Variants in CADPS2 observed in about 807,000 individuals in gnomAD.
The protein encoded by CADPS2 is calcium dependent secretion activator 2.
In CADPS2, 93 loss-of-function variants were observed where a neutral mutation model predicts 172.5. The observed-to-expected ratio is 0.54, with a 90% confidence interval of 0.46 to 0.64. The LOEUF (loss-of-function observed/expected upper bound fraction) is 0.64. Among genes scored for constraint, CADPS2 ranks in the 30% least tolerant of loss-of-function variants. The pLI is 0.00. For missense variants in CADPS2, 1,420 were observed against 1,565.9 expected, an observed-to-expected ratio of 0.91 and a Z score of 1.57; for synonymous variants, 546 against 555.2, an observed-to-expected ratio of 0.98 and a Z score of 0.23.
chr7:122,476,007 T>C (rs1425242394), intron 12 of CADPS2, among the ~76,000 whole-genome samples: 2 of 152,120 alleles, frequency 1.3e-5, no homozygotes, highest in African/African-American at 4.8e-5. Context: ...TCTGAGTCTT[T>C]TAATAGAAAG....
intron 3 of CADPS2, among the ~76,000 whole-genome samples, chr7:122,661,298 A>G (rs1192700706): frequency 6.6e-6 from 1 of 152,212 alleles, no homozygotes; most frequent in Non-Finnish European, 1.5e-5. Flanking sequence ...CCACTGCTAC[A>G]GTTGGAGATC....
In CADPS2 at chr7:122,524,756, A is replaced by G. The variant is rs572863690; in HGVS notation, c.1476-11441T>C. ...ATGAGTCTTTAAGCAATAAAATTATATAACTGGGTTTTTACATTGTTTGGA... is the reference window on the plus strand; with the variant it reads ...ATGAGTCTTTAAGCAATAAAATTATGTAACTGGGTTTTTACATTGTTTGGA... On this transcript the variant is annotated intron_variant, in intron 8 of 29. Coordinates refer to ENST00000449022, the MANE Select transcript of CADPS2 (RefSeq NM_017954.11). Among the ~76,000 whole-genome samples, 13 of 152,224 alleles carry G rather than the reference A, an allele frequency of 8.5e-5. No homozygotes were observed. The South Asian group carries it at 1.0e-3, about 12-fold the overall frequency.
chr7:122,496,182 G>A (rs1294902883), intron 9 of CADPS2, among the ~76,000 whole-genome samples: 2 of 151,746 alleles, frequency 1.3e-5, no homozygotes, highest in Non-Finnish European at 2.9e-5. Flanking sequence ...TATTTATTGA[G>A]ACAGAGTCTT....
intron 8 of CADPS2, among the ~76,000 whole-genome samples, chr7:122,552,027 T>C (rs1289847626): frequency 6.6e-6 from 1 of 152,186 alleles, no homozygotes; most frequent in Non-Finnish European, 1.5e-5. Flanking sequence ...ATTCAAAATG[T>C]TTAAAACTGT....
intron 25 of CADPS2, among the ~76,000 whole-genome samples, chr7:122,377,260 T>C (rs2042468446): frequency 1.3e-5 from 2 of 152,172 alleles, no homozygotes; most frequent in African/African-American, 4.8e-5. Context: ...TTTTAGAATA[T>C]CTTTTCCTTA....
At chr7:122,553,330 G>A (rs185034673) in intron 8 of CADPS2, among the ~76,000 whole-genome samples, 100 of 152,290 alleles carry the variant, frequency 6.6e-4, no homozygotes, top group African/African-American at 2.4e-3. Context: ...TGAGCAGGTA[G>A]ATGGATGCAT....
intron 25 of CADPS2, among the ~76,000 whole-genome samples, chr7:122,377,756 CTCTA>C (rs1262386471): frequency 2.6e-5 from 4 of 151,980 alleles, no homozygotes; most frequent in East Asian, 1.9e-4. Context: ...TTATTTTTTT[CTCTA>C]TCTATCCACT....
chr7:122,526,228 G>T (rs1157561824), intron 8 of CADPS2, among the ~76,000 whole-genome samples: 1 of 151,922 alleles, frequency 6.6e-6, no homozygotes, highest in Admixed American at 6.6e-5. Context: ...GTCTCACTCT[G>T]TTGCCCAGGC....
At chr7:122,620,979 T>G (rs2075540424) in intron 5 of CADPS2, among the ~76,000 whole-genome samples, 3 of 152,110 alleles carry the variant, frequency 2.0e-5, no homozygotes, top group Admixed American at 2.0e-4. Context: ...TGATCACCAT[T>G]CCATGTACCC....
intron 5 of CADPS2, among the ~76,000 whole-genome samples, chr7:122,615,717 T>C (rs2074826304): frequency 6.6e-6 from 1 of 152,060 alleles, no homozygotes; most frequent in Admixed American, 6.6e-5. Context: ...ATATTATTGG[T>C]AAACATTGAT....
chr7:122,373,635 G>C (rs964869451), intron 25 of CADPS2, among the ~76,000 whole-genome samples: 3 of 152,080 alleles, frequency 2.0e-5, no homozygotes, highest in Non-Finnish European at 2.9e-5. Flanking sequence ...CAAAGGTGCA[G>C]ATACCAATGT....
chr7:122,546,110 T>C (rs1202281962), intron 8 of CADPS2, among the ~76,000 whole-genome samples: 1 of 152,176 alleles, frequency 6.6e-6, no homozygotes, highest in Non-Finnish European at 1.5e-5. Context: ...TTGTAAACCC[T>C]TTCCTCTGTT....
intron 2 of CADPS2, among the ~76,000 whole-genome samples, chr7:122,666,575 C>G (rs2081216693): frequency 6.6e-6 from 1 of 152,096 alleles, no homozygotes; most frequent in Non-Finnish European, 1.5e-5. Flanking sequence ...AACTCCTGAC[C>G]TCATGATTCA....
intron 2 of CADPS2, among the ~76,000 whole-genome samples, chr7:122,716,544 G>A (rs373485616): frequency 6.6e-5 from 10 of 152,182 alleles, no homozygotes; most frequent in South Asian, 2.1e-4. Flanking sequence ...TCGGGGGAGC[G>A]GGGAGGGATA....
chr7:122,388,055 T>C (rs1361953165), intron 23 of CADPS2, among the ~76,000 whole-genome samples: 1 of 152,062 alleles, frequency 6.6e-6, no homozygotes, highest in Non-Finnish European at 1.5e-5. Context: ...GAAAGCACAT[T>C]TGGAAGAATA....
chr7:122,539,623 A>G (rs4731060), intron 8 of CADPS2, among the ~76,000 whole-genome samples: 46,087 of 151,954 alleles, frequency 0.3, 7,395 homozygotes, highest in East Asian at 0.43. Flanking sequence ...CAATCAAGGT[A>G]AATCCATCAA....
chr7:122,799,313 T>C (rs934443799), intron 1 of CADPS2, among the ~76,000 whole-genome samples: 44 of 152,164 alleles, frequency 2.9e-4, no homozygotes, highest in African/African-American at 1.0e-3. Context: ...AGTATAGCTA[T>C]GTAGGGCTGG....
intron 8 of CADPS2, among the ~76,000 whole-genome samples, chr7:122,520,541 T>C (rs903046269): frequency 2.6e-5 from 4 of 152,210 alleles, no homozygotes; most frequent in African/African-American, 9.6e-5. Context: ...CTCATCTTCA[T>C]ATCACAATAT....
chr7:122,843,151 T>C (rs532206552), intron 1 of CADPS2, among the ~76,000 whole-genome samples: 30 of 152,124 alleles, frequency 2.0e-4, no homozygotes, highest in Non-Finnish European at 3.8e-4. Context: ...AAAGGAGCAA[T>C]GCTTTCTGTG....
Sources: gnomAD v4.1 joint callset for allele counts (sites outside exome capture counted in the v4.1 genomes callset) on GRCh38, gnomAD v4.1.1 for gene constraint, MANE v1.5 for transcripts, NCBI Gene and HGNC (gene_info 2026-07-23, HGNC 2026-07-21) for gene names.